The following MCC variants were observed in gnomAD, a reference collection of about 807,000 sequenced individuals.
MCC encodes colorectal mutant cancer protein.
A neutral mutation model predicts 116.2 loss-of-function variants in MCC; 90 were observed. The ratio of observed to expected loss-of-function variants is 0.77; its 90% CI spans 0.65 to 0.92. MCC has a LOEUF of 0.92. Ranked by LOEUF, MCC falls within the 40% of genes least tolerant of loss-of-function variation. The probability of loss-of-function intolerance (pLI) is 0.00; values close to 1 mark genes in which losing one functional copy is unlikely to be tolerated. For synonymous variants in MCC, 578 were observed against 510.5 expected (o/e 1.13, Z -1.78); for missense variants, 1,516 against 1,312.2 (o/e 1.16, Z -2.40).
chr5:113,339,096 G>A (rs1346914009), intron 3 of MCC, among the ~76,000 whole-genome samples: 1 of 152,028 alleles, frequency 6.6e-6, no homozygotes, highest in African/African-American at 2.4e-5. Context: ...AGGTGTGGCA[G>A]GTACCTGTAA....
At chr5:113,115,364 T>C (rs925368668) in intron 6 of MCC, among the ~76,000 whole-genome samples, 7 of 152,220 alleles carry the variant, frequency 4.6e-5, no homozygotes, top group African/African-American at 1.7e-4. Flanking sequence ...CTGTTTCTTT[T>C]CTCAAAGCAA....
chr5:113,122,842 A>G lies in MCC; in HGVS notation c.885-16T>C, dbSNP rs751182632. On this transcript the variant is annotated splice_polypyrimidine_tract_variant and intron_variant, in intron 5 of 18. Transcript: ENST00000408903. ...ATCTTCCTCCCTGAGAAAAAAGGAG[A>G]ATTGGCAACCACTAACAGAGGATAT... 11 of 1,613,830 alleles carry G rather than the reference A, an allele frequency of 6.8e-6. No individual in the cohort carries two copies. The African/African-American group carries it at 1.5e-4, about 22-fold the overall frequency.
chr5:113,424,301 A>T (rs1310421427), intron 1 of MCC, among the ~76,000 whole-genome samples: 1 of 152,230 alleles, frequency 6.6e-6, no homozygotes, highest in Non-Finnish European at 1.5e-5. Flanking sequence ...AATATAAAAA[A>T]GAACTCATAG....
intron 3 of MCC, among the ~76,000 whole-genome samples, chr5:113,257,215 T>A (rs10519345): frequency 6.6e-6 from 1 of 152,150 alleles, no homozygotes; most frequent in African/African-American, 2.4e-5. Flanking sequence ...GTACCACTTC[T>A]GGTCATCCTG....
intron 16 of MCC, among the ~76,000 whole-genome samples, chr5:113,046,445 G>C (rs906517107): frequency 6.6e-6 from 1 of 151,884 alleles, no homozygotes; most frequent in Non-Finnish European, 1.5e-5. Context: ...ACCCGCCTCG[G>C]GTTCCCAAAG....
chr5:113,324,094 G>T (rs893995911), intron 3 of MCC, among the ~76,000 whole-genome samples: 1 of 152,116 alleles, frequency 6.6e-6, no homozygotes, highest in African/African-American at 2.4e-5. Context: ...TGGCCTCTGC[G>T]GTGTTGCAAG....
chr5:113,301,433 C>G (rs1435197923), intron 3 of MCC, among the ~76,000 whole-genome samples: 1 of 151,738 alleles, frequency 6.6e-6, no homozygotes, highest in African/African-American at 2.4e-5. Context: ...CCATTGCACC[C>G]CAGCCTGGGC....
intron 3 of MCC, among the ~76,000 whole-genome samples, chr5:113,339,946 C>T (rs943582169): frequency 3.9e-5 from 6 of 152,248 alleles, no homozygotes; most frequent in South Asian, 4.1e-4. Context: ...ATCGGCCACC[C>T]GCCTCATTTG....
At chr5:113,107,480 G>A (rs991587721) in intron 6 of MCC, among the ~76,000 whole-genome samples, 5 of 152,034 alleles carry the variant, frequency 3.3e-5, no homozygotes, top group Non-Finnish European at 5.9e-5. Context: ...TGTGGACCTC[G>A]ACCTGAGCTG....
intron 8 of MCC, among the ~76,000 whole-genome samples, chr5:113,093,687 G>T (rs1221832199): frequency 1.3e-5 from 2 of 152,022 alleles, no homozygotes; most frequent in Non-Finnish European, 1.5e-5. Flanking sequence ...CAGCTATGCG[G>T]ATGCTTCAAT....
At chr5:113,452,293 G>C (rs1554084793) in intron 1 of MCC, among the ~76,000 whole-genome samples, 1 of 152,194 alleles carries the variant, frequency 6.6e-6, no homozygotes, top group Non-Finnish European at 1.5e-5. Context: ...GGGAAGAATT[G>C]TGGGCAGCTA....
At chr5:113,059,875 G>A (rs1753098863) in intron 14 of MCC, among the ~76,000 whole-genome samples, 1 of 152,180 alleles carries the variant, frequency 6.6e-6, no homozygotes, top group Admixed American at 6.6e-5. Context: ...GTCCACTATA[G>A]GAGAAGCTGT....
At chr5:113,137,133 G>A (rs1406681658) in intron 5 of MCC, among the ~76,000 whole-genome samples, 4 of 152,200 alleles carry the variant, frequency 2.6e-5, no homozygotes, top group African/African-American at 7.2e-5. Context: ...AGAGGCCTCA[G>A]AAAACTTATA....
intron 3 of MCC, among the ~76,000 whole-genome samples, chr5:113,218,818 T>C (rs1403290277): frequency 2.0e-5 from 3 of 151,516 alleles, no homozygotes; most frequent in Non-Finnish European, 3.0e-5. Flanking sequence ...TTTTAAATTT[T>C]TAGTTACTTT....
chr5:113,318,127 G>C (rs1343413562), intron 3 of MCC, among the ~76,000 whole-genome samples: 1 of 152,008 alleles, frequency 6.6e-6, no homozygotes, highest in African/African-American at 2.4e-5. Context: ...GTCTTGAAGA[G>C]TTTAGTTAGC....
intron 1 of MCC, among the ~76,000 whole-genome samples, chr5:113,478,165 C>T (rs1359679706): frequency 6.6e-6 from 1 of 152,128 alleles, no homozygotes; most frequent in African/African-American, 2.4e-5. Flanking sequence ...TAGAGGGAAC[C>T]CAACTTTCCT....
intron 8 of MCC, among the ~76,000 whole-genome samples, chr5:113,100,740 G>A (rs184554915): frequency 7.2e-4 from 109 of 152,226 alleles, no homozygotes; most frequent in Admixed American, 1.8e-3. Context: ...CAAAGTGCTC[G>A]GATTACAGGC....
At chr5:113,215,978 T>C (rs2150326104) in intron 3 of MCC, among the ~76,000 whole-genome samples, 1 of 152,346 alleles carries the variant, frequency 6.6e-6, no homozygotes, top group Middle Eastern at 3.4e-3. Flanking sequence ...TGTTTCTCAG[T>C]TATATCTTGT....
At chr5:113,124,454 T>A (rs1315112387) in intron 5 of MCC, among the ~76,000 whole-genome samples, 1 of 152,222 alleles carries the variant, frequency 6.6e-6, no homozygotes, top group South Asian at 2.1e-4. Flanking sequence ...CAGCCGAGAC[T>A]TTTTTGCAGC....
Sources: gnomAD v4.1 joint callset for allele counts (sites outside exome capture counted in the v4.1 genomes callset) on GRCh38, gnomAD v4.1.1 for gene constraint, MANE v1.5 for transcripts, NCBI Gene and HGNC (gene_info 2026-07-23, HGNC 2026-07-21) for gene names.